Variants in TTF1 observed in about 807,000 individuals in gnomAD.
TTF1 encodes the protein transcription termination factor, RNA polymerase I.
A neutral mutation model predicts 80.2 loss-of-function variants in TTF1; 64 were observed. The ratio of observed to expected loss-of-function variants is 0.80; its 90% CI spans 0.65 to 0.98. The LOEUF is 0.98. Among genes scored for constraint, TTF1 ranks in the 50% least tolerant of loss-of-function variants. The pLI, the probability that TTF1 is intolerant of heterozygous loss-of-function variation, is 0.00. For missense variants in TTF1, 1,023 were observed against 1,086.2 expected, an observed-to-expected ratio of 0.94 and a Z score of 0.82; for synonymous variants, 372 against 382.7, an observed-to-expected ratio of 0.97 and a Z score of 0.33.
rs1849422303 is a variant in TTF1, at chr9:132,384,417, A to G, written c.2378+2139T>C. ...GCTGACATTAGAATAATCACAAGAT[A>G]GGGTCAACGCAATCAAAGCTGGTGC... On this transcript the variant is annotated intron_variant, in intron 9 of 10. Coordinates refer to ENST00000334270, the MANE Select transcript of TTF1 (RefSeq NM_007344.4). The surrounding 1 kb of genome is among the most constrained non-coding windows in gnomAD (Gnocchi z 4.1). 6.6e-6 allele frequency among the ~76,000 whole-genome samples: 1 copy of G among 152,206 alleles called. No homozygotes were observed. The highest frequency in any genetic ancestry group is 2.4e-5 in the African/African-American group (1 of 41,456).
At chr9:132,392,276 G>A in intron 5 of TTF1, 70 bp from the exon 6 acceptor site, 2 of 1,573,766 alleles carry the variant, frequency 1.3e-6, no homozygotes, top group Non-Finnish European at 1.7e-6. Flanking sequence ...TCTCATCCCA[G>A]TACGCAGCAA....
At chr9:132,379,760 G>A (rs139469109) in intron 9 of TTF1, among the ~76,000 whole-genome samples, 67 of 152,342 alleles carry the variant, frequency 4.4e-4, no homozygotes, top group African/African-American at 1.5e-3. Flanking sequence ...AAAAAGAGCA[G>A]ATGCTTATGA....
intron 5 of TTF1, among the ~76,000 whole-genome samples, chr9:132,395,595 C>T (rs1464844438): frequency 6.6e-6 from 1 of 152,182 alleles, no homozygotes; most frequent in East Asian, 1.9e-4. Context: ...TGTGTGTGAA[C>T]TTTCCTCACC....
chr9:132,386,413 C>G (rs1200344849), intron 9 of TTF1, 143 bp downstream of exon 9: 3 of 751,166 alleles, frequency 4.0e-6, no homozygotes, highest in South Asian at 1.8e-5. Flanking sequence ...GGTTTCCTAG[C>G]AAATACACTG....
intron 10 of TTF1, among the ~76,000 whole-genome samples, chr9:132,378,276 T>TGTGAATGCATGTGGTGA (rs1849282440): frequency 2.3e-5 from 3 of 133,186 alleles, no homozygotes; most frequent in African/African-American, 2.9e-5. Flanking sequence ...GCATGTGGTG[T>TGTGAATGCATGTGGTGA]GTGAATGCAT....
chr9:132,378,836 C>T (rs1483600872), intron 10 of TTF1, among the ~76,000 whole-genome samples: 1 of 151,958 alleles, frequency 6.6e-6, no homozygotes, highest in Non-Finnish European at 1.5e-5. Flanking sequence ...ACAGAGTGGT[C>T]GCTAAGTGTC....
chr9:132,378,355 G>A (rs1422277416), intron 10 of TTF1, among the ~76,000 whole-genome samples: 1 of 117,376 alleles, frequency 8.5e-6, no homozygotes, highest in Admixed American at 8.7e-5. Flanking sequence ...GTGAGTGCAT[G>A]TGGTGCGTGT....
At chr9:132,394,717 A>G (rs1849615905) in intron 5 of TTF1, among the ~76,000 whole-genome samples, 1 of 151,444 alleles carries the variant, frequency 6.6e-6, no homozygotes, top group Non-Finnish European at 1.5e-5. Context: ...ACATGGTGAA[A>G]GCTCATCTCC....
At chr9:132,395,193 A>G (rs566715311) in intron 5 of TTF1, among the ~76,000 whole-genome samples, 1 of 152,326 alleles carries the variant, frequency 6.6e-6, no homozygotes, top group African/African-American at 2.4e-5. Flanking sequence ...CTCCATTTCA[A>G]AAAAAGAAAA....
intron 4 of TTF1, 29 bp downstream of exon 4, chr9:132,398,112 G>C: frequency 6.6e-7 from 1 of 1,520,224 alleles, no homozygotes; most frequent in South Asian, 1.3e-5. Flanking sequence ...GGCTGTGGAT[G>C]GTCAAAGGGT....
chr9:132,391,000 G>A (rs1166302), intron 6 of TTF1, among the ~76,000 whole-genome samples, 169 bp from the exon 7 acceptor site: 133,973 of 152,290 alleles, frequency 0.88, 59,708 homozygotes, highest in East Asian at 0.97. Context: ...TTACTAACAC[G>A]GTCATGGATT....
At chr9:132,383,789 A>G (rs1278123415) in intron 9 of TTF1, among the ~76,000 whole-genome samples, 1 of 152,182 alleles carries the variant, frequency 6.6e-6, no homozygotes, top group Non-Finnish European at 1.5e-5. Context: ...ACCACCCTGC[A>G]ACCACGCAGT....
In TTF1 at chr9:132,399,973, A is replaced by G. The variant is rs149528614; in HGVS notation, c.1591+62T>C. The G allele has an allele frequency of 1.1e-3, 1,738 of 1,537,378 alleles. 23 individuals are homozygous for G. In the African/African-American group the frequency reaches 0.02, roughly 18 times the overall value. ...TATAAATCTGAATCATCCATAAAAG[A>G]AAGTTAGGTGCTAGCTCTGCATACA... On this transcript the variant is annotated intron_variant, in intron 3 of 10. Transcript: ENST00000334270.
intron 9 of TTF1, among the ~76,000 whole-genome samples, chr9:132,385,721 T>C (rs1026082448): frequency 1.3e-5 from 2 of 152,252 alleles, no homozygotes; most frequent in Non-Finnish European, 2.9e-5. Context: ...TACCATGCTA[T>C]CTGAAATGAG....
At chr9:132,378,380 TGTGTGAGTGCATGCATGTG>T (rs1849287230) in intron 10 of TTF1, among the ~76,000 whole-genome samples, 1 of 10,510 alleles carries the variant, frequency 9.5e-5, no homozygotes, top group African/African-American at 1.3e-4. Context: ...GCATGTGGTG[TGTGTGAGTGCATGCATGTG>T]GTGTGAGTGC....
chr9:132,376,283 T>A, intron 10 of TTF1, 115 bp from the exon 11 acceptor site: 1 of 1,168,814 alleles, frequency 8.6e-7, no homozygotes, highest in Non-Finnish European at 1.2e-6. Flanking sequence ...TTGCTGTGTG[T>A]AAGGTCTGGT....
At chr9:132,405,050 T>C (rs1439562306) in intron 1 of TTF1, among the ~76,000 whole-genome samples, 2 of 151,034 alleles carry the variant, frequency 1.3e-5, no homozygotes. Flanking sequence ...GACGCCAGGC[T>C]AATTTTTTTG....
chr9:132,385,717 G>A (rs1340880337), intron 9 of TTF1, among the ~76,000 whole-genome samples: 1 of 152,152 alleles, frequency 6.6e-6, no homozygotes, highest in African/African-American at 2.4e-5. Flanking sequence ...TTGGTACCAT[G>A]CTATCTGAAA....
In TTF1 at chr9:132,395,359, T is replaced by G. The variant is rs556170836; in HGVS notation, c.1856+1074A>C. Among the ~76,000 whole-genome samples, 4 of 152,276 alleles carry G rather than the reference T, an allele frequency of 2.6e-5. No homozygotes were observed. The East Asian group carries it at 7.7e-4, about 29-fold the overall frequency. ...ACACAAATAATACAGCACAAAGAGA[T>G]GAACTGTTAGATTTTTAGAATGACT... On this transcript the variant is annotated intron_variant, in intron 5 of 10. Transcript: ENST00000334270.
Sources: allele counts gnomAD v4.1 joint callset (sites outside exome capture counted in the v4.1 genomes callset), GRCh38; gene constraint gnomAD v4.1.1; non-coding constraint Gnocchi (gnomAD v3.1); transcripts MANE v1.5; gene names NCBI Gene and HGNC (gene_info 2026-07-23, HGNC 2026-07-21).